The following SRFBP1 variants were observed in gnomAD, a reference collection of about 807,000 sequenced individuals.
SRFBP1 encodes serum response factor binding protein 1.
Under a neutral mutation model 45.5 loss-of-function variants are expected in SRFBP1, and 47 were observed. The ratio of observed to expected loss-of-function variants is 1.03; its 90% CI spans 0.82 to 1.32. SRFBP1 has a LOEUF of 1.32. Among genes scored for constraint, SRFBP1 ranks in the 40% most tolerant of loss-of-function variants. The pLI is 0.00. For missense variants in SRFBP1, 621 were observed against 484.6 expected (o/e 1.28, Z -2.64); for synonymous variants, 203 against 166.3 (o/e 1.22, Z -1.70).
chr5:122,058,239 G>C (rs1229592370), intron 2 of SRFBP1, among the ~76,000 whole-genome samples: 2 of 151,824 alleles, frequency 1.3e-5, no homozygotes, highest in Non-Finnish European at 2.9e-5. Context: ...CAAATATTTG[G>C]GGTTTTCTTC....
At chr5:122,022,348 A>C (rs1325499551) in intron 6 of SRFBP1, 22 bp from the exon 7 acceptor site, 1 of 1,596,830 alleles carries the variant, frequency 6.3e-7, no homozygotes, top group African/African-American at 1.3e-5. Context: ...AAAAAGTCAT[A>C]ATGGTGTTTT....
At chr5:121,995,837 A>G (rs1357312250) in intron 4 of SRFBP1, among the ~76,000 whole-genome samples, 1 of 151,932 alleles carries the variant, frequency 6.6e-6, no homozygotes, top group Admixed American at 6.6e-5. Flanking sequence ...GGATATCACC[A>G]CCGATCCCAC....
chr5:122,028,838 C>G (rs1753545804), downstream of SRFBP1, among the ~76,000 whole-genome samples: 1 of 152,148 alleles, frequency 6.6e-6, no homozygotes, highest in South Asian at 2.1e-4. Context: ...CTGAGTCTGT[C>G]CAAGACTTTT....
chr5:122,015,008 T>C (rs1026429432), intron 4 of SRFBP1, among the ~76,000 whole-genome samples: 2 of 152,210 alleles, frequency 1.3e-5, no homozygotes, highest in African/African-American at 4.8e-5. Context: ...TTTATATCTG[T>C]TCATATATTG....
intron 1 of SRFBP1, among the ~76,000 whole-genome samples, chr5:121,971,225 G>T (rs1314694794): frequency 6.6e-6 from 1 of 151,910 alleles, no homozygotes; most frequent in African/African-American, 2.4e-5. Context: ...TTGGAGAGAG[G>T]CAAGAAGAAC....
intron 1 of SRFBP1, among the ~76,000 whole-genome samples, chr5:121,966,244 A>G (rs1029822835): frequency 6.6e-6 from 1 of 152,356 alleles, no homozygotes; most frequent in East Asian, 1.9e-4. Context: ...AGAGATTAAG[A>G]TTAAAGTTTG....
In SRFBP1 at chr5:122,040,564, C is replaced by G. The variant is rs146439036; in HGVS notation, n.311+18157C>G. Among the ~76,000 whole-genome samples, 574 of 152,226 alleles carry G rather than the reference C, an allele frequency of 3.8e-3. 5 individuals are homozygous for G. Among genetic ancestry groups the G allele is most frequent in the African/African-American group, 0.013 (521 of 41,508 alleles). ...ACGACTACGGTATGAATACTCAATG[C>G]TTAGCTTTGCTCTCTCTATCTGGAC... On this transcript the variant is annotated intron_variant and non_coding_transcript_variant, in intron 2 of 2. Transcript: ENST00000504881.
chr5:121,991,686 A>G (rs1016497962), intron 3 of SRFBP1, among the ~76,000 whole-genome samples: 6 of 152,202 alleles, frequency 3.9e-5, no homozygotes, highest in African/African-American at 1.4e-4. Context: ...GTCTAAAAAA[A>G]GTCTTAGTTT....
downstream of SRFBP1, chr5:122,076,897 CCAGA>C (rs779512296): frequency 6.2e-6 from 10 of 1,614,006 alleles, no homozygotes; most frequent in Admixed American, 1.7e-5. Context: ...CCGTACCTGG[CCAGA>C]CAGTTTTCCT....
At chr5:122,040,227 T>A (rs530400119) in intron 2 of SRFBP1, among the ~76,000 whole-genome samples, 7 of 152,164 alleles carry the variant, frequency 4.6e-5, no homozygotes, top group Non-Finnish European at 7.4e-5. Context: ...CTCTAATTAG[T>A]TGCATAAAAT....
intron 4 of SRFBP1, among the ~76,000 whole-genome samples, chr5:121,998,700 A>C (rs1378877166): frequency 6.6e-6 from 1 of 151,774 alleles, no homozygotes; most frequent in Non-Finnish European, 1.5e-5. Context: ...TTACTTTTCC[A>C]AATATTTTTT....
chr5:121,973,605 CAT>C (rs1752243373), intron 1 of SRFBP1, among the ~76,000 whole-genome samples: 1 of 141,334 alleles, frequency 7.1e-6, no homozygotes, highest in African/African-American at 2.7e-5. Flanking sequence ...TATGTGTGTG[CAT>C]GTGTGTGTGG....
chr5:121,982,288 C>T lies in SRFBP1; in HGVS notation c.198+6901C>T, dbSNP rs77544374. The stretch of plus-strand genomic sequence containing the variant: ...TAAAATTATAAACAGGAAATCATAG[C>T]GCTATTTTAAAAGATCAGTATATAA... On this transcript the variant is annotated intron_variant, in intron 3 of 7. Coordinates refer to ENST00000339397, the MANE Select transcript of SRFBP1 (RefSeq NM_152546.3). 5.2e-3 allele frequency among the ~76,000 whole-genome samples: 786 copies of T among 151,936 alleles called. 20 individuals carry two copies. In the East Asian group the frequency reaches 0.053, roughly 10 times the overall value.
At chr5:121,996,578 G>A (rs1752732574) in intron 4 of SRFBP1, among the ~76,000 whole-genome samples, 1 of 39,530 alleles carries the variant, frequency 2.5e-5, no homozygotes, top group East Asian at 6.8e-4. Flanking sequence ...GCAAAAACTG[G>A]AAGCATTCCC....
At chr5:121,975,440 C>T in intron 3 of SRFBP1, 53 bp downstream of exon 3, 1 of 1,595,746 alleles carries the variant, frequency 6.3e-7, no homozygotes, top group Non-Finnish European at 8.6e-7. Context: ...ATCCTGTTAT[C>T]CTGCATTTTG....
chr5:122,077,273 C>A, downstream of SRFBP1: 1 of 1,582,082 alleles, frequency 6.3e-7, no homozygotes, highest in Non-Finnish European at 8.6e-7. This position sits in a 1 kb window ranked among gnomAD's most constrained non-coding sequence, Gnocchi z 4.9. Flanking sequence ...CGGGGCCCGC[C>A]GCGCCCAGGC....
chr5:122,070,148 G>A, intron 2 of SRFBP1: 1 of 1,611,786 alleles, frequency 6.2e-7, no homozygotes, highest in Non-Finnish European at 8.5e-7. Flanking sequence ...CAGGAACCAG[G>A]TAGCTGGGGT....
At chr5:122,076,846 C>T, downstream of SRFBP1, 2 of 1,564,350 alleles carry the variant, frequency 1.3e-6, no homozygotes, top group Non-Finnish European at 1.8e-6. Context: ...CAGAGCGCCC[C>T]CTGAAGGTAG....
downstream of SRFBP1, chr5:122,077,669 G>T: frequency 6.2e-7 from 1 of 1,604,420 alleles, no homozygotes. The surrounding 1 kb of genome is among the most constrained non-coding windows in gnomAD (Gnocchi z 4.9). Context: ...TGAGCCGGCC[G>T]TCCGCGTTCG....
Sources: allele counts gnomAD v4.1 joint callset (sites outside exome capture counted in the v4.1 genomes callset), GRCh38; gene constraint gnomAD v4.1.1; non-coding constraint Gnocchi (gnomAD v3.1); transcripts MANE v1.5; gene names NCBI Gene and HGNC (gene_info 2026-07-23, HGNC 2026-07-21).